Variants in PRPF18 observed in about 807,000 individuals in gnomAD.
The protein encoded by PRPF18 is pre-mRNA processing factor 18, also known as pre-mRNA-splicing factor 18.
Under a neutral mutation model 46.5 loss-of-function variants are expected in PRPF18, and 38 were observed. The observed-to-expected ratio is 0.82, with a 90% CI of 0.63 to 1.07. The LOEUF (loss-of-function observed/expected upper bound fraction) is 1.07, where lower values mean the gene tolerates loss of function less well. Among genes scored for constraint, PRPF18 ranks in the 50% least tolerant of loss-of-function variants. PRPF18 has a pLI of 0.00. For synonymous variants in PRPF18, 152 were observed against 146.7 expected, an observed-to-expected ratio of 1.04 and a Z score of -0.26; for missense variants, 263 against 410.0, an observed-to-expected ratio of 0.64 and a Z score of 3.10.
chr10:13,590,398 C>T (rs1445317422), intron 1 of PRPF18, among the ~76,000 whole-genome samples: 1 of 149,436 alleles, frequency 6.7e-6, no homozygotes, highest in African/African-American at 2.5e-5. Context: ...GAGATTGAGA[C>T]CATCCTGGCT....
intron 9 of PRPF18, among the ~76,000 whole-genome samples, chr10:13,618,615 CAAAAAAAAAAA>C (rs68069523): frequency 2.0e-4 from 8 of 39,982 alleles, no homozygotes; most frequent in Non-Finnish European, 2.9e-4. Context: ...AAGACCCTGT[CAAAAAAAAAAA>C]AAAAAAAAAA....
In PRPF18 at chr10:13,613,744, CT is replaced by C. The variant is rs2080303178; in HGVS notation, c.585del (p.Gly197AlafsTer7). ...AGTTTACCCATCCTTTCAACAGTTT[CT>C]TCTTGGCGTTTGGGCTAAAGAATTG... is the stretch of plus-strand genomic sequence containing the variant. ...MDIITKFLKF[L>X]LGVWAKELNA... is the part of the protein sequence containing the mutation. On this transcript the variant is annotated frameshift_variant, in exon 7 of 10. Transcript: ENST00000378572. LOFTEE classifies it high-confidence loss of function. The C allele has an allele frequency of 6.2e-7, 1 of 1,611,652 alleles. No homozygotes were observed. The highest frequency in any genetic ancestry group is 1.3e-5 in the African/African-American group (1 of 74,766).
intron 3 of PRPF18, among the ~76,000 whole-genome samples, chr10:13,602,408 C>T (rs1252590295): frequency 1.3e-5 from 2 of 151,808 alleles, no homozygotes; most frequent in Non-Finnish European, 2.9e-5. Flanking sequence ...GTGTATGTAT[C>T]AGATGTACAT....
Position 13,614,912 on chromosome 10 carries a change from C to T in PRPF18, c.792+826C>T, listed in dbSNP as rs188397583. Among the ~76,000 whole-genome samples the T allele has an allele frequency of 1.4e-3, 212 of 152,254 alleles. 2 individuals are homozygous for T. Among genetic ancestry groups the T allele is most frequent in the Non-Finnish European group, 1.8e-3 (121 of 68,014 alleles). ...AGCAACCCCAGTGCCAGTGCCAGAG[C>T]GGTAGGGAACTCGGAATGACATTGC... On this transcript the variant is annotated intron_variant, in intron 8 of 9. Coordinates refer to ENST00000378572, the MANE Select transcript of PRPF18 (RefSeq NM_003675.4).
intron 6 of PRPF18, among the ~76,000 whole-genome samples, chr10:13,612,622 CTTTTTTTTTT>C (rs61113168): frequency 1.3e-5 from 1 of 76,130 alleles, no homozygotes; most frequent in African/African-American, 5.1e-5. Context: ...AGGGTTCTAG[CTTTTTTTTTT>C]TTTTTTTTTT....
At position 13,597,948 on chromosome 10, in the gene PRPF18, G is replaced by A. The variant is rs555668602; in HGVS notation, c.144+413G>A. Among the ~76,000 whole-genome samples the A allele has an allele frequency of 1.8e-4, 27 of 152,134 alleles. No homozygotes were observed. The South Asian group carries it at 5.0e-3, about 28-fold the overall frequency. ...TCCAGCCACAGTAATATTAGTGGTG[G>A]TAATTTTCCTGCCTTCTCCGGAATA... On this transcript the variant is annotated intron_variant, in intron 2 of 9. Transcript: ENST00000378572.
chr10:13,618,281 A>T (rs2080373378), intron 9 of PRPF18, among the ~76,000 whole-genome samples: 1 of 152,138 alleles, frequency 6.6e-6, no homozygotes, highest in African/African-American at 2.4e-5. Flanking sequence ...CCATAAGAAA[A>T]TTGGACCCAT....
At position 13,609,937 on chromosome 10, in the gene PRPF18, TG is replaced by T. The variant is rs911539446; in HGVS notation, c.364-97del. ...CCCTACTTTTGCTGAACTCTTCTTG[TG>T]GGGGAAAAAATATTTGCAGTTATTA... On this transcript the variant is annotated intron_variant, in intron 4 of 9. Coordinates refer to ENST00000378572, the MANE Select transcript of PRPF18 (RefSeq NM_003675.4). 261 of 1,278,086 alleles carry T rather than the reference TG, an allele frequency of 2.0e-4. 1 individual carries two copies. Among genetic ancestry groups the T allele is most frequent in the Non-Finnish European group, 2.6e-4 (242 of 924,202 alleles). The allele number at this position is 1,278,086 out of a possible 1,614,324, so 79.2% of individuals were successfully genotyped here. A position where few individuals can be genotyped will look rare whatever the true frequency, so the allele number is the denominator to read the frequency against.
At position 13,630,579 on chromosome 10, in the gene PRPF18, T is replaced by C. The variant is rs562083846; in HGVS notation, c.*239T>C. The C allele has an allele frequency of 2.2e-4, 65 of 290,136 alleles. No individual in the cohort carries two copies. Among genetic ancestry groups the C allele is most frequent in the African/African-American group, 1.4e-3 (64 of 45,966 alleles). 18.0% of individuals were successfully genotyped at this position (290,136 alleles called of 1,614,324 possible). A position where few individuals can be genotyped will look rare whatever the true frequency, so the allele number is the denominator to read the frequency against. On this transcript the variant is annotated 3_prime_UTR_variant, in exon 10 of 10. Coordinates refer to ENST00000378572, the MANE Select transcript of PRPF18 (RefSeq NM_003675.4). ...TAGTCCAAAATTAAGTTTTAAAGAT[T>C]TTTCCTCACAATTTAAATCCATAGA... is the stretch of plus-strand genomic sequence containing the variant.
In PRPF18 at chr10:13,614,081, G is replaced by C. The variant is rs761338920; in HGVS notation, c.787G>C (p.Val263Leu). The C allele has an allele frequency of 6.3e-7, 1 of 1,575,018 alleles. No individual in the cohort carries two copies. Among genetic ancestry groups the C allele is most frequent in the South Asian group, 1.2e-5 (1 of 86,208 alleles). Residue 263 changes from valine (V) to leucine (L), a missense_variant, in exon 8 of 10, where the codon GTG becomes CTG. Coordinates refer to ENST00000378572, the MANE Select transcript of PRPF18 (RefSeq NM_003675.4). ...IIKFMLQREY[V>L]KANDAYLQMA... ...TAAATTCATGTTGCAGAGAGAATAC[G>C]TGAAGGTACATTCCCATGCTGTTCT...
chr10:13,608,022 G>A (rs1223858343), intron 4 of PRPF18, among the ~76,000 whole-genome samples: 1 of 152,118 alleles, frequency 6.6e-6, no homozygotes, highest in African/African-American at 2.4e-5. Flanking sequence ...TTGAGAGACA[G>A]GTGTGGTTAC....
At chr10:13,645,939 C>G in the PRPF18 span, 1 of 152,546 alleles carries the variant, frequency 6.6e-6, no homozygotes, top group Non-Finnish European at 1.5e-5. Context: ...TGAGAGAGAA[C>G]CACTTTTGGC....
At chr10:13,592,091 G>T in intron 1 of PRPF18, 1 of 583,180 alleles carries the variant, frequency 1.7e-6, no homozygotes, top group East Asian at 4.0e-5. Context: ...TTTCAACCTC[G>T]TACTTAGCGG....
At chr10:13,605,472 C>T (rs981618856) in intron 3 of PRPF18, among the ~76,000 whole-genome samples, 159 bp from the exon 4 acceptor site, 11 of 150,544 alleles carry the variant, frequency 7.3e-5, no homozygotes, top group African/African-American at 2.7e-4. Flanking sequence ...GTCCCAGCTA[C>T]TCGGGAGGCT....
At chr10:13,648,684 C>T in the PRPF18 span, 2 of 152,224 alleles carry the variant, frequency 1.3e-5, no homozygotes, top group Non-Finnish European at 2.9e-5. Context: ...GCCCGGGCTC[C>T]AGTGACATCG....
At position 13,613,888 on chromosome 10, in the gene PRPF18, T is replaced by C; in HGVS notation, c.720+7T>C. 1 of 1,594,632 alleles carries C rather than the reference T, an allele frequency of 6.3e-7. No individual in the cohort carries two copies. The highest frequency in any genetic ancestry group is 1.7e-4 in the Middle Eastern group (1 of 5,956). On this transcript the variant is annotated splice_region_variant and intron_variant, in intron 7 of 9. Transcript: ENST00000378572. ...TAGAAAGCTACGGAAAAGGGTGAGG[T>C]TTCTTGGAAAATACTTTTTTTAACT...
intron 4 of PRPF18, among the ~76,000 whole-genome samples, chr10:13,608,813 A>G (rs1046994671): frequency 5.9e-5 from 9 of 152,226 alleles, no homozygotes; most frequent in African/African-American, 2.2e-4. Context: ...AGGACAAAGC[A>G]CAGGAGCACA....
the PRPF18 span, chr10:13,641,921 A>T: frequency 2.6e-5 from 4 of 152,208 alleles, no homozygotes; most frequent in African/African-American, 7.2e-5. Context: ...ATAAAAATTT[A>T]TGAAGATAGA....
At chr10:13,627,064 T>A (rs1407275479) in intron 9 of PRPF18, among the ~76,000 whole-genome samples, 1 of 152,084 alleles carries the variant, frequency 6.6e-6, no homozygotes, top group Admixed American at 6.5e-5. Flanking sequence ...TTAGCAGCAT[T>A]CCCCAGACTG....
Sources: allele counts gnomAD v4.1 joint callset (sites outside exome capture counted in the v4.1 genomes callset), GRCh38; gene constraint gnomAD v4.1.1; transcripts MANE v1.5; gene names NCBI Gene and HGNC (gene_info 2026-07-23, HGNC 2026-07-21).